SYNE1: variants seen among roughly 807,000 people sequenced by gnomAD.
The protein encoded by SYNE1 is spectrin repeat containing nuclear envelope protein 1.
SYNE1 carries 616 observed loss-of-function variants against 1,111.0 expected under a neutral mutation model. The observed-to-expected ratio is 0.55, with a 90% CI of 0.52 to 0.59. The LOEUF (loss-of-function observed/expected upper bound fraction) is 0.59. SYNE1 is among the 20% of genes least tolerant of loss of function. The pLI, the probability that SYNE1 is intolerant of heterozygous loss-of-function variation, is 0.00. For missense variants in SYNE1, 10,006 were observed against 10,417.0 expected, an observed-to-expected ratio of 0.96 and a Z score of 1.72; for synonymous variants, 3,855 against 3,825.8, an observed-to-expected ratio of 1.01 and a Z score of -0.28.
rs766699694 is a variant in SYNE1 at position 152,326,352 on chromosome 6, T to A, written c.15237A>T (p.Glu5079Asp). ...CCCGGCTCATCCTCTGGCTCCTGAGTTCCAGAGAAGCCACTTTCTGTTCTA... is the reference window on the plus strand; with the variant it reads ...CCCGGCTCATCCTCTGGCTCCTGAGATCCAGAGAAGCCACTTTCTGTTCTA... The part of the protein sequence containing the change: ...EDLEQKVASL[E>D]LRSQRMSRDS... The change falls in exon 79 of 146, where the codon GAA (glutamate) becomes GAT (aspartate). Residue 5079 changes from glutamate (E) to aspartate (D), a missense_variant. Physicochemically the swap from Glu to Asp is conservative, Grantham distance 45. Transcript: ENST00000367255. 84 of 1,613,970 alleles carry A rather than the reference T, an allele frequency of 5.2e-5. No individual in the cohort carries two copies. The highest frequency in any genetic ancestry group is 7.0e-5 in the Non-Finnish European group (83 of 1,180,002).
In SYNE1 at chr6:152,461,648, T is replaced by A. The variant is rs1309261154; in HGVS notation, c.2343A>T (p.Glu781Asp). The A allele has an allele frequency of 6.2e-7, 1 of 1,614,024 alleles. No homozygotes were observed. Residue 781 changes from glutamate (E) to aspartate (D), a missense_variant, in exon 21 of 146, where the codon GAA becomes GAT. Coordinates refer to ENST00000367255, the MANE Select transcript of SYNE1 (RefSeq NM_182961.4). The part of the protein sequence containing the change: ...HLITKESPQE[E>D]GKEMFATMSK... ...ACATGGTCGCAAACATTTCTTTTCC[T>A]TCTTCTTGGGGGCTTTCTTTGGTAA...
intron 141 of SYNE1, 119 bp downstream of exon 141, chr6:152,136,499 A>C: frequency 8.1e-7 from 1 of 1,237,162 alleles, no homozygotes; most frequent in Middle Eastern, 2.6e-4. Flanking sequence ...TATCTCACTG[A>C]AATACTGACT....
Position 152,326,430 on chromosome 6 carries a change from G to C in SYNE1, c.15159C>G (p.His5053Gln). 1.2e-6 allele frequency: 2 copies of C among 1,614,200 alleles called. No individual in the cohort carries two copies. Among genetic ancestry groups the C allele is most frequent in the Non-Finnish European group, 1.7e-6 (2 of 1,180,036 alleles). Residue 5053 changes from histidine (H) to glutamine (Q), a missense_variant, in exon 79 of 146, where the codon CAC becomes CAG. Transcript: ENST00000367255. Reference sequence around the variant, plus strand: ...GTGGGTCCAGGGTGGCTACCAGGCTGTGGAGCTCCTCCAGGTTACTATGGA... The same window carrying C: ...GTGGGTCCAGGGTGGCTACCAGGCTCTGGAGCTCCTCCAGGTTACTATGGA... ...DQFHSNLEEL[H>Q]SLVATLDPLI...
At position 152,155,030 on chromosome 6, in the gene SYNE1, C is replaced by T. The variant is rs572195368; in HGVS notation, c.23991G>A (p.Thr7997=). 5.1e-5 allele frequency: 83 copies of T among 1,614,150 alleles called. No homozygotes were observed. The highest frequency in any genetic ancestry group is 3.6e-4 in the East Asian group (16 of 44,880). Residue 7997 remains threonine (T), a synonymous_variant, in exon 133 of 146, where the codon ACG becomes ACA. Transcript: ENST00000367255. ...SMERRLKIEE[T]WRLWQKFLDD... Reference sequence around the variant, plus strand: ...CCAGAAATTTCTGCCACAATCGCCACGTCTCTTCGATTCTGGGGCGGAAAA... The same window carrying T: ...CCAGAAATTTCTGCCACAATCGCCATGTCTCTTCGATTCTGGGGCGGAAAA...
chr6:152,444,697 G>A (rs2098561241), intron 29 of SYNE1, 119 bp from the exon 30 acceptor site: 5 of 875,820 alleles, frequency 5.7e-6, no homozygotes, highest in Admixed American at 2.6e-5. Context: ...GGTGTACTAC[G>A]TGACTGTGAA....
At chr6:152,371,468 T>G (rs1234855398) in intron 59 of SYNE1, among the ~76,000 whole-genome samples, 1 of 150,860 alleles carries the variant, frequency 6.6e-6, no homozygotes, top group African/African-American at 2.4e-5. Flanking sequence ...CCTTTATAAA[T>G]TACCCAGTCT....
intron 3 of SYNE1, among the ~76,000 whole-genome samples, chr6:152,601,906 G>A (rs189057851): frequency 6.5e-4 from 99 of 152,190 alleles, no homozygotes; most frequent in African/African-American, 2.1e-3. Flanking sequence ...ATTCATCCCC[G>A]GGGTTCACCT....
intron 76 of SYNE1, among the ~76,000 whole-genome samples, chr6:152,334,851 C>A (rs1301340778): frequency 6.6e-6 from 1 of 152,170 alleles, no homozygotes; most frequent in Non-Finnish European, 1.5e-5. Flanking sequence ...TTTTACCCAG[C>A]CCCTATTCAA....
At chr6:152,230,821 T>C in intron 114 of SYNE1, 119 bp from the exon 115 acceptor site, 2 of 1,182,750 alleles carry the variant, frequency 1.7e-6, no homozygotes, top group Non-Finnish European at 2.4e-6. Context: ...ATACAGTTCA[T>C]CGTATATATG....
At position 152,483,145 on chromosome 6, in the gene SYNE1, G is replaced by A. The variant is rs755709525; in HGVS notation, c.1290C>T (p.Thr430=). The change falls in exon 14 of 146, where the codon ACC becomes ACT. Residue 430 remains threonine (T), a synonymous_variant. Transcript: ENST00000367255. Reference sequence around the variant, plus strand: ...CTGTTTCCTCGTGGACCTGTTGAACGGTTATTTCCTCTCTCAGGGCCACCT... The same window carrying A: ...CTGTTTCCTCGTGGACCTGTTGAACAGTTATTTCCTCTCTCAGGGCCACCT... The part of the protein sequence containing the change: ...RAEVALREEI[T]VQQVHEETAN... 1.8e-5 allele frequency: 29 copies of A among 1,614,078 alleles called. No homozygotes were observed. The highest frequency in any genetic ancestry group is 2.3e-5 in the Non-Finnish European group (27 of 1,180,034).
intron 14 of SYNE1, among the ~76,000 whole-genome samples, chr6:152,480,424 GGCAGGAGAATC>G (rs1159349138): frequency 1.3e-5 from 2 of 152,172 alleles, no homozygotes; most frequent in Non-Finnish European, 2.9e-5. Context: ...GGGAGGCTGA[GGCAGGAGAATC>G]GCTTGAACCT....
At chr6:152,324,995 T>C in intron 81 of SYNE1, 89 bp downstream of exon 81, 1 of 1,460,826 alleles carries the variant, frequency 6.8e-7, no homozygotes, top group Non-Finnish European at 9.6e-7. Flanking sequence ...TTCATAAGGC[T>C]GACTTCAAAA....
At chr6:152,221,672 C>A (rs2080212711) in intron 117 of SYNE1, 113 bp from the exon 118 acceptor site, 1 of 1,355,850 alleles carries the variant, frequency 7.4e-7, no homozygotes, top group East Asian at 2.3e-5. Flanking sequence ...TTGTATAAAC[C>A]AGGCATGACT....
intron 53 of SYNE1, among the ~76,000 whole-genome samples, chr6:152,389,133 C>T (rs950693066): frequency 2.0e-5 from 3 of 152,170 alleles, no homozygotes; most frequent in African/African-American, 7.2e-5. Context: ...TTTTTGTTCA[C>T]ATTGCCGTGG....
intron 128 of SYNE1, among the ~76,000 whole-genome samples, chr6:152,184,639 G>T (rs796437325): frequency 1.6e-5 from 2 of 123,278 alleles, no homozygotes; most frequent in African/African-American, 5.9e-5. Flanking sequence ...TATATAGATA[G>T]ATAGATAGAT....
At chr6:152,413,217 A>T in intron 42 of SYNE1, 135 bp downstream of exon 42, 1 of 1,049,836 alleles carries the variant, frequency 9.5e-7, no homozygotes, top group Non-Finnish European at 1.5e-6. Context: ...TTTCAATGTT[A>T]TGAAAGTGAC....
intron 3 of SYNE1, among the ~76,000 whole-genome samples, chr6:152,605,023 AGAGAGAGAGAGAGG>A (rs1565140890): frequency 7.9e-4 from 55 of 69,942 alleles, no homozygotes; most frequent in African/African-American, 3.4e-3. Flanking sequence ...AGAGAGAGAG[AGAGAGAGAGAGAGG>A]GAGGGAGGGA....
At chr6:152,626,526 C>G (rs1196416336) in intron 3 of SYNE1, among the ~76,000 whole-genome samples, 2 of 152,108 alleles carry the variant, frequency 1.3e-5, no homozygotes, top group East Asian at 3.9e-4. Flanking sequence ...TGAAGATGTA[C>G]AACTTAAATC....
rs1227233268 is a variant in SYNE1 at position 152,325,159 on chromosome 6, G to C, written c.15582C>G (p.Arg5194=). ...CCTGGTCCTGGGCCACAGCTCGAAG[G>C]CGTGTCCAGCGCTGCCAGACGGTGG... ...SMTTVWQRWT[R]LRAVAQDQEK... The change falls in exon 81 of 146, where the codon CGC becomes CGG. Residue 5194 remains arginine (R), a synonymous_variant. Transcript: ENST00000367255. 4 of 1,614,070 alleles carry C rather than the reference G, an allele frequency of 2.5e-6. No individual in the cohort carries two copies. Among genetic ancestry groups the C allele is most frequent in the Non-Finnish European group, 3.4e-6 (4 of 1,180,036 alleles).
Sources: allele counts gnomAD v4.1 joint callset (sites outside exome capture counted in the v4.1 genomes callset), GRCh38; gene constraint gnomAD v4.1.1; transcripts MANE v1.5; gene names NCBI Gene and HGNC (gene_info 2026-07-23, HGNC 2026-07-21).